SMIM10L2A: variants seen among roughly 807,000 people sequenced by gnomAD.
The protein encoded by SMIM10L2A is small integral membrane protein 10-like protein 2A.
A neutral mutation model predicts 3.0 loss-of-function variants in SMIM10L2A; 2 were observed. The ratio of observed to expected loss-of-function variants is 0.66; its 90% CI spans 0.27 to 2.08. The LOEUF (loss-of-function observed/expected upper bound fraction) is 2.08. Ranked by LOEUF, SMIM10L2A falls within the 30% of genes most tolerant of loss-of-function variation. The pLI is 0.14. For synonymous variants in SMIM10L2A, 29 were observed against 34.8 expected (o/e 0.83, Z 0.58); for missense variants, 59 against 66.5 (o/e 0.89, Z 0.39).
chrX:135,425,413 A>T lies in SMIM10L2A; in HGVS notation c.*2143A>T, dbSNP rs1308857309. On this transcript the variant is annotated 3_prime_UTR_variant, in exon 2 of 2. Coordinates refer to ENST00000417443, the MANE Select transcript of SMIM10L2A (RefSeq NM_203306.3). ...CTAGAGGGGCTGACTGGGGAGGGTC[A>T]GGGCCAAGCCCTCAGCATCTGCTCC... 8.9e-6 allele frequency: 1 copy of T among 112,112 alleles called. No homozygotes were observed. Among genetic ancestry groups the T allele is most frequent in the African/African-American group, 3.3e-5 (1 of 30,734 alleles). 9.2% of individuals were successfully genotyped at this position (112,112 alleles called of 1,213,427 possible). A position where few individuals can be genotyped will look rare whatever the true frequency, so the allele number is the denominator to read the frequency against.
chrX:135,427,381 C>A lies in SMIM10L2A; in HGVS notation c.*4111C>A, dbSNP rs782646963. On this transcript the variant is annotated 3_prime_UTR_variant, in exon 2 of 2. Coordinates refer to ENST00000417443, the MANE Select transcript of SMIM10L2A (RefSeq NM_203306.3). Reference sequence around the variant, plus strand: ...CCCCAGTGGGAGCAGCTGTGGCCACCCTGAGATGGGTCTACCTGTCTTCCT... The same window carrying A: ...CCCCAGTGGGAGCAGCTGTGGCCACACTGAGATGGGTCTACCTGTCTTCCT... 5 of 111,798 alleles carry A rather than the reference C, an allele frequency of 4.5e-5. No individual in the cohort carries two copies. In the South Asian group the frequency reaches 1.9e-3, roughly 42 times the overall value. 9.2% of individuals were successfully genotyped at this position (111,798 alleles called of 1,213,427 possible). A position where few individuals can be genotyped will look rare whatever the true frequency, so the allele number is the denominator to read the frequency against.
intron 1 of SMIM10L2A, among the ~76,000 whole-genome samples, chrX:135,423,381 CT>C (rs782091608): frequency 1.0e-3 from 116 of 113,000 alleles, no homozygotes; most frequent in Admixed American, 1.8e-3. Flanking sequence ...CCCATGCTCC[CT>C]AAGGCCCCTA....
rs1312576967 is a variant in SMIM10L2A, at chrX:135,427,946, G to C, written c.*4676G>C. ...GAAAGTGCACCAAAGGGTATGCATGGCTTAGGGCTTTTGATACTCTCCAGA... is the reference window on the plus strand; with the variant it reads ...GAAAGTGCACCAAAGGGTATGCATGCCTTAGGGCTTTTGATACTCTCCAGA... On this transcript the variant is annotated 3_prime_UTR_variant, in exon 2 of 2. Coordinates refer to ENST00000417443, the MANE Select transcript of SMIM10L2A (RefSeq NM_203306.3). The C allele has an allele frequency of 4.5e-5, 5 of 111,650 alleles. No individual in the cohort carries two copies. Among genetic ancestry groups the C allele is most frequent in the African/African-American group, 1.3e-4 (4 of 30,615 alleles). 9.2% of individuals were successfully genotyped at this position (111,650 alleles called of 1,213,427 possible). A position where few individuals can be genotyped will look rare whatever the true frequency, so the allele number is the denominator to read the frequency against.
rs1225913755 is a variant in SMIM10L2A, at chrX:135,426,563, C to T, written c.*3293C>T. The T allele has an allele frequency of 1.8e-5, 2 of 112,937 alleles. No individual in the cohort carries two copies. Among genetic ancestry groups the T allele is most frequent in the Non-Finnish European group, 3.8e-5 (2 of 53,271 alleles). The allele number at this position is 112,937 out of a possible 1,213,427, so 9.3% of individuals were successfully genotyped here. A position where few individuals can be genotyped will look rare whatever the true frequency, so the allele number is the denominator to read the frequency against. On this transcript the variant is annotated 3_prime_UTR_variant, in exon 2 of 2. Coordinates refer to ENST00000417443, the MANE Select transcript of SMIM10L2A (RefSeq NM_203306.3). Reference sequence around the variant, plus strand: ...TCAGAGCATCCTGACAAGGAGGACCCGTCCAAACGCACTGGTGCTAATGCC... The same window carrying T: ...TCAGAGCATCCTGACAAGGAGGACCTGTCCAAACGCACTGGTGCTAATGCC...
Position 135,426,867 on chromosome X carries a change from A to C in SMIM10L2A, c.*3597A>C, listed in dbSNP as rs2085154893. 8.9e-6 allele frequency: 1 copy of C among 112,937 alleles called. No individual in the cohort carries two copies. The highest frequency in any genetic ancestry group is 9.3e-5 in the Admixed American group (1 of 10,800). The allele number at this position is 112,937 out of a possible 1,213,427, so 9.3% of individuals were successfully genotyped here. A position where few individuals can be genotyped will look rare whatever the true frequency, so the allele number is the denominator to read the frequency against. ...CCTGAGCCCAGCTCTTCCACTTACT[A>C]CTGTGTGGTGCCAGGCAAGCTGTGC... On this transcript the variant is annotated 3_prime_UTR_variant, in exon 2 of 2. Coordinates refer to ENST00000417443, the MANE Select transcript of SMIM10L2A (RefSeq NM_203306.3).
chrX:135,422,408 C>A lies in SMIM10L2A; in HGVS notation c.*40C>A. On this transcript the variant is annotated 3_prime_UTR_variant, in exon 1 of 2. Coordinates refer to ENST00000417443, the MANE Select transcript of SMIM10L2A (RefSeq NM_203306.3). ...GGCGGCGAAGGCCCGGCTGAAGGGG[C>A]GCCCGTGTCCCCGCCCGCCCCCGGC... 1 of 391,453 alleles carries A rather than the reference C, an allele frequency of 2.6e-6. No individual in the cohort carries two copies. The highest frequency in any genetic ancestry group is 3.9e-6 in the Non-Finnish European group (1 of 257,025). 32.3% of individuals were successfully genotyped at this position (391,453 alleles called of 1,213,427 possible). A position where few individuals can be genotyped will look rare whatever the true frequency, so the allele number is the denominator to read the frequency against.
Position 135,422,554 on chromosome X carries a change from G to C in SMIM10L2A, c.*186G>C, listed in dbSNP as rs868909233. 44 of 237,404 alleles carry C rather than the reference G, an allele frequency of 1.9e-4. No individual in the cohort carries two copies. The highest frequency in any genetic ancestry group is 1.2e-3 in the African/African-American group (40 of 34,376). The allele number at this position is 237,404 out of a possible 1,213,427, so 19.6% of individuals were successfully genotyped here. A position where few individuals can be genotyped will look rare whatever the true frequency, so the allele number is the denominator to read the frequency against. ...ACGGCCCAGCCCTGGCCCCGGCTGC[G>C]GTCTCAGCCCGGGGGCCCTGGATCG... is the stretch of plus-strand genomic sequence containing the variant. On this transcript the variant is annotated 3_prime_UTR_variant, in exon 1 of 2. Transcript: ENST00000417443.
rs1453171390 is a variant in SMIM10L2A at position 135,422,259 on chromosome X, CGCT to C, written c.132_134del (p.Leu45del). The C allele has an allele frequency of 1.0e-5, 11 of 1,088,373 alleles. No homozygotes were observed. Among genetic ancestry groups the C allele is most frequent in the Non-Finnish European group, 1.3e-5 (11 of 827,668 alleles). 89.7% of individuals were successfully genotyped at this position (1,088,373 alleles called of 1,213,427 possible). Reference sequence around the variant, plus strand: ...GCCTTCTGCAAGGGGCTCACGCGCACGCTGCTCACCTTCTTCGACCTGGCCTGG... The same window carrying C: ...GCCTTCTGCAAGGGGCTCACGCGCACGCTCACCTTCTTCGACCTGGCCTGG... On this transcript the variant is annotated inframe_deletion, in exon 1 of 2. Coordinates refer to ENST00000417443, the MANE Select transcript of SMIM10L2A (RefSeq NM_203306.3).
chrX:135,423,179 G>A (rs1412836920), intron 1 of SMIM10L2A, among the ~76,000 whole-genome samples: 8 of 112,443 alleles, frequency 7.1e-5, no homozygotes, highest in Non-Finnish European at 1.5e-4. Context: ...CTCCTGCACA[G>A]CCCTTGGCAA....
At position 135,426,066 on chromosome X, in the gene SMIM10L2A, C is replaced by T. The variant is rs1481094652; in HGVS notation, c.*2796C>T. ...AGTCCCTTTCCTTTTTAGAGTCTGG[C>T]GATCAAAAGTGTCTTAAGTCAGTAG... is the stretch of plus-strand genomic sequence containing the variant. On this transcript the variant is annotated 3_prime_UTR_variant, in exon 2 of 2. Coordinates refer to ENST00000417443, the MANE Select transcript of SMIM10L2A (RefSeq NM_203306.3). The T allele has an allele frequency of 8.9e-6, 1 of 111,742 alleles. No individual in the cohort carries two copies. Among genetic ancestry groups the T allele is most frequent in the African/African-American group, 3.3e-5 (1 of 30,696 alleles). 9.2% of individuals were successfully genotyped at this position (111,742 alleles called of 1,213,427 possible).
Position 135,426,236 on chromosome X carries a change from T to C in SMIM10L2A, c.*2966T>C, listed in dbSNP as rs1178460577. 7 of 110,959 alleles carry C rather than the reference T, an allele frequency of 6.3e-5. No individual in the cohort carries two copies. Among genetic ancestry groups the C allele is most frequent in the Non-Finnish European group, 1.3e-4 (7 of 52,868 alleles). The allele number at this position is 110,959 out of a possible 1,213,427, so 9.1% of individuals were successfully genotyped here. A position where few individuals can be genotyped will look rare whatever the true frequency, so the allele number is the denominator to read the frequency against. ...GGTTACTGCAGAATCTTGGAGAAGA[T>C]AAAGGACCTGGCCCTGGAAGCCTGC... On this transcript the variant is annotated 3_prime_UTR_variant, in exon 2 of 2. Coordinates refer to ENST00000417443, the MANE Select transcript of SMIM10L2A (RefSeq NM_203306.3).
Position 135,422,473 on chromosome X carries a change from G to T in SMIM10L2A, c.*105G>T. The T allele has an allele frequency of 3.8e-6, 1 of 265,748 alleles. No homozygotes were observed. Among genetic ancestry groups the T allele is most frequent in the South Asian group, 1.9e-4 (1 of 5,182 alleles). The allele number at this position is 265,748 out of a possible 1,213,427, so 21.9% of individuals were successfully genotyped here. The stretch of plus-strand genomic sequence containing the variant: ...GAAGGAAAGCTGGGCCGCGGCGGGG[G>T]GCGGAGGCGGGGCGGCTCGGACCCC... On this transcript the variant is annotated 3_prime_UTR_variant, in exon 1 of 2. Coordinates refer to ENST00000417443, the MANE Select transcript of SMIM10L2A (RefSeq NM_203306.3).
Position 135,424,677 on chromosome X carries a change from C to T in SMIM10L2A, c.*1407C>T, listed in dbSNP as rs2085145366. 1 of 111,904 alleles carries T rather than the reference C, an allele frequency of 8.9e-6. No individual in the cohort carries two copies. Among genetic ancestry groups the T allele is most frequent in the East Asian group, 2.8e-4 (1 of 3,543 alleles). 9.2% of individuals were successfully genotyped at this position (111,904 alleles called of 1,213,427 possible). A position where few individuals can be genotyped will look rare whatever the true frequency, so the allele number is the denominator to read the frequency against. ...GGCGCCACGTTCTCAGTTCCTGGGACTGAAAACTGCAGCAGTCTGGCCAGC... is the reference window on the plus strand; with the variant it reads ...GGCGCCACGTTCTCAGTTCCTGGGATTGAAAACTGCAGCAGTCTGGCCAGC... On this transcript the variant is annotated 3_prime_UTR_variant, in exon 2 of 2. Coordinates refer to ENST00000417443, the MANE Select transcript of SMIM10L2A (RefSeq NM_203306.3).
chrX:135,422,199 T>G lies in SMIM10L2A; in HGVS notation c.68T>G (p.Leu23Arg). 1.0e-6 allele frequency: 1 copy of G among 976,627 alleles called. No individual in the cohort carries two copies. Among genetic ancestry groups the G allele is most frequent in the Non-Finnish European group, 1.4e-6 (1 of 737,339 alleles). The allele number at this position is 976,627 out of a possible 1,213,427, so 80.5% of individuals were successfully genotyped here. A position where few individuals can be genotyped will look rare whatever the true frequency, so the allele number is the denominator to read the frequency against. Reference sequence around the variant, plus strand: ...GCCCTGTCTGGCCTGGCGGTGCGGCTGTCGCGCTCAGCTGCGGCCCGAGGC... The same window carrying G: ...GCCCTGTCTGGCCTGGCGGTGCGGCGGTCGCGCTCAGCTGCGGCCCGAGGC... The part of the protein sequence containing the change: ...AAALSGLAVR[L>R]SRSAAARGSY... The change falls in exon 1 of 2, where the codon CTG (leucine) becomes CGG (arginine). Residue 23 changes from leucine to arginine, a missense_variant. Leu to Arg is a moderately radical substitution (Grantham distance 102). Transcript: ENST00000417443.
At position 135,425,225 on chromosome X, in the gene SMIM10L2A, G is replaced by T. The variant is rs1265896317; in HGVS notation, c.*1955G>T. On this transcript the variant is annotated 3_prime_UTR_variant, in exon 2 of 2. Coordinates refer to ENST00000417443, the MANE Select transcript of SMIM10L2A (RefSeq NM_203306.3). ...GAGCCCTCCCCATGCAAGGGGCTTG[G>T]CCTGGGACCCTGGAAGCTGTTTCCC... is the stretch of plus-strand genomic sequence containing the variant. The T allele has an allele frequency of 5.4e-5, 6 of 111,941 alleles. No individual in the cohort carries two copies. Among genetic ancestry groups the T allele is most frequent in the Non-Finnish European group, 1.1e-4 (6 of 53,067 alleles). The allele number at this position is 111,941 out of a possible 1,213,427, so 9.2% of individuals were successfully genotyped here. A position where few individuals can be genotyped will look rare whatever the true frequency, so the allele number is the denominator to read the frequency against.
Position 135,422,190 on chromosome X carries a change from C to T in SMIM10L2A, c.59C>T (p.Ala20Val), listed in dbSNP as rs2085133628. 5 of 945,442 alleles carry T rather than the reference C, an allele frequency of 5.3e-6. No individual in the cohort carries two copies. The African/African-American group carries it at 8.1e-5, about 15-fold the overall frequency. The allele number at this position is 945,442 out of a possible 1,213,427, so 77.9% of individuals were successfully genotyped here. A position where few individuals can be genotyped will look rare whatever the true frequency, so the allele number is the denominator to read the frequency against. The change falls in exon 1 of 2, where the codon GCG (alanine) becomes GTG (valine). Residue 20 changes from alanine to valine, a missense_variant. Coordinates refer to ENST00000417443, the MANE Select transcript of SMIM10L2A (RefSeq NM_203306.3). ...GCTGCGGCGGCCCTGTCTGGCCTGG[C>T]GGTGCGGCTGTCGCGCTCAGCTGCG... Reference protein sequence around the residue: ...AAAAAALSGLAVRLSRSAAAR... With the variant: ...AAAAAALSGLVVRLSRSAAAR...
In SMIM10L2A at chrX:135,425,601, A is replaced by G. The variant is rs1472580176; in HGVS notation, c.*2331A>G. 1.5e-4 allele frequency: 17 copies of G among 112,393 alleles called. No individual in the cohort carries two copies. The highest frequency in any genetic ancestry group is 5.5e-4 in the African/African-American group (17 of 30,821). 9.3% of individuals were successfully genotyped at this position (112,393 alleles called of 1,213,427 possible). A position where few individuals can be genotyped will look rare whatever the true frequency, so the allele number is the denominator to read the frequency against. On this transcript the variant is annotated 3_prime_UTR_variant, in exon 2 of 2. Transcript: ENST00000417443. ...TCTGTTTTCTAGGCGGTGGAGCTAGACACTGACCGGAATGACATACTTTTC... is the reference window on the plus strand; with the variant it reads ...TCTGTTTTCTAGGCGGTGGAGCTAGGCACTGACCGGAATGACATACTTTTC...
chrX:135,423,156 G>T (rs1290047509), intron 1 of SMIM10L2A, among the ~76,000 whole-genome samples: 1 of 112,183 alleles, frequency 8.9e-6, no homozygotes, highest in Non-Finnish European at 1.9e-5. Context: ...CTCAGCCCTG[G>T]GTCTCTCTGC....
rs782404292 is a variant in SMIM10L2A, at chrX:135,423,992, C to G, written c.*722C>G. The G allele has an allele frequency of 8.9e-6, 1 of 112,159 alleles. No homozygotes were observed. Among genetic ancestry groups the G allele is most frequent in the East Asian group, 2.9e-4 (1 of 3,504 alleles). The allele number at this position is 112,159 out of a possible 1,213,427, so 9.2% of individuals were successfully genotyped here. A position where few individuals can be genotyped will look rare whatever the true frequency, so the allele number is the denominator to read the frequency against. On this transcript the variant is annotated 3_prime_UTR_variant, in exon 2 of 2. Transcript: ENST00000417443. ...ATGCAGATAGGAGGAGGAGGAACTG[C>G]GTGTGCCCCTGGGCCTGCAGGCCCC...
Sources: allele counts gnomAD v4.1 joint callset (sites outside exome capture counted in the v4.1 genomes callset), GRCh38; gene constraint gnomAD v4.1.1; transcripts MANE v1.5; gene names NCBI Gene and HGNC (gene_info 2026-07-23, HGNC 2026-07-21).